Variants in CLEC1A observed in about 807,000 individuals in gnomAD.
The protein encoded by CLEC1A is C-type lectin domain family 1 member A, also known as C-type lectin-like receptor-1.
Under a neutral mutation model 28.7 loss-of-function variants are expected in CLEC1A, and 34 were observed. The ratio of observed to expected loss-of-function variants is 1.18; its 90% CI spans 0.90 to 1.57. The LOEUF (loss-of-function observed/expected upper bound fraction) is 1.57, where lower values mean the gene tolerates loss of function less well. CLEC1A is among the 40% of genes most tolerant of loss of function. The pLI is 0.00. For synonymous variants in CLEC1A, 116 were observed against 121.0 expected (o/e 0.96, Z 0.27); for missense variants, 385 against 339.5 (o/e 1.13, Z -1.05).
intron 1 of CLEC1A, among the ~76,000 whole-genome samples, chr12:10,092,960 A>T (rs1947726162): frequency 6.6e-6 from 1 of 151,796 alleles, no homozygotes; most frequent in Non-Finnish European, 1.5e-5. Context: ...CCTTCCAATC[A>T]TTCTATATAA....
At chr12:10,081,452 CTA>C (rs768829313) in intron 2 of CLEC1A, 39 bp from the exon 3 acceptor site, 3 of 1,500,348 alleles carry the variant, frequency 2.0e-6, no homozygotes, top group South Asian at 1.3e-5. Flanking sequence ...CAGCTTATTT[CTA>C]TGTTTTATTT....
At chr12:10,077,179 G>A (rs1866268599) in intron 3 of CLEC1A, among the ~76,000 whole-genome samples, 1 of 152,146 alleles carries the variant, frequency 6.6e-6, no homozygotes, top group African/African-American at 2.4e-5. Context: ...GTGATACTAT[G>A]TAACTAAAGA....
intron 5 of CLEC1A, among the ~76,000 whole-genome samples, chr12:10,072,724 C>A (rs575411237): frequency 6.6e-6 from 1 of 152,112 alleles, no homozygotes; most frequent in South Asian, 2.1e-4. Context: ...AGCAAGAGAA[C>A]TACCCTGATA....
intron 4 of CLEC1A, among the ~76,000 whole-genome samples, chr12:10,074,076 A>G (rs1406205774): frequency 6.6e-6 from 1 of 152,202 alleles, no homozygotes; most frequent in East Asian, 1.9e-4. Flanking sequence ...ATTGGTGGCG[A>G]CAGGGTCTCA....
intron 5 of CLEC1A, among the ~76,000 whole-genome samples, chr12:10,072,139 T>C (rs1320503890): frequency 6.6e-6 from 1 of 152,132 alleles, no homozygotes; most frequent in East Asian, 1.9e-4. Flanking sequence ...AGTTAGTTGA[T>C]GCAAGATCTG....
chr12:10,078,193 G>A (rs1265769730), intron 3 of CLEC1A, among the ~76,000 whole-genome samples: 1 of 152,012 alleles, frequency 6.6e-6, no homozygotes, highest in Non-Finnish European at 1.5e-5. Flanking sequence ...AAAAACTTAT[G>A]CCAGATCATG....
intron 1 of CLEC1A, among the ~76,000 whole-genome samples, chr12:10,089,453 C>T (rs1362083704): frequency 6.6e-6 from 1 of 152,036 alleles, no homozygotes; most frequent in Non-Finnish European, 1.5e-5. Context: ...TTTGTATCCA[C>T]CCCTCAAGTC....
chr12:10,079,053 A>T (rs1866311960), intron 3 of CLEC1A, among the ~76,000 whole-genome samples: 1 of 152,212 alleles, frequency 6.6e-6, no homozygotes, highest in South Asian at 2.1e-4. Flanking sequence ...TGTATAAATT[A>T]CCCAGGCTCA....
intron 1 of CLEC1A, 78 bp downstream of exon 1, chr12:10,098,730 T>A: frequency 2.4e-6 from 2 of 850,324 alleles, no homozygotes; most frequent in Admixed American, 2.7e-5. Context: ...GCTAAATATC[T>A]CCATTTCTAG....
At chr12:10,082,468 G>A (rs1224521526) in intron 2 of CLEC1A, among the ~76,000 whole-genome samples, 1 of 152,132 alleles carries the variant, frequency 6.6e-6, no homozygotes, top group Non-Finnish European at 1.5e-5. Flanking sequence ...ATAAAATCCT[G>A]AGAACCAACC....
intron 1 of CLEC1A, among the ~76,000 whole-genome samples, chr12:10,093,184 C>T (rs1040353694): frequency 6.6e-6 from 1 of 152,062 alleles, no homozygotes; most frequent in African/African-American, 2.4e-5. Flanking sequence ...GGATCACCCT[C>T]ACCCTAACAT....
intron 3 of CLEC1A, among the ~76,000 whole-genome samples, chr12:10,080,243 G>A (rs1191676476): frequency 1.3e-5 from 2 of 152,102 alleles, no homozygotes; most frequent in South Asian, 2.1e-4. Context: ...AACCTGGGAG[G>A]AGGAAGTTGC....
chr12:10,091,577 G>C (rs905247379), intron 1 of CLEC1A, among the ~76,000 whole-genome samples: 4 of 150,530 alleles, frequency 2.7e-5, no homozygotes, highest in Non-Finnish European at 3.0e-5. Flanking sequence ...TGAGCTATGT[G>C]ATTTAGTCTT....
intron 1 of CLEC1A, among the ~76,000 whole-genome samples, chr12:10,094,105 A>T (rs1947745814): frequency 6.6e-6 from 1 of 152,084 alleles, no homozygotes; most frequent in Non-Finnish European, 1.5e-5. Context: ...ATTTAATTAT[A>T]TTTTTCATCT....
chr12:10,090,832 T>A (rs971030127), intron 1 of CLEC1A, among the ~76,000 whole-genome samples: 1 of 144,958 alleles, frequency 6.9e-6, no homozygotes, highest in African/African-American at 2.6e-5. Flanking sequence ...TTAAAAAAAA[T>A]GGCAATTTTA....
Position 10,098,792 on chromosome 12 carries a change from C to A in CLEC1A, c.115+16G>T. 1 of 1,582,262 alleles carries A rather than the reference C, an allele frequency of 6.3e-7. No homozygotes were observed. The highest frequency in any genetic ancestry group is 1.1e-5 in the South Asian group (1 of 89,262). ...ACAAGGACTGTGGTCTATTTGGACTCCAGGAGACAGGGTACCTGTGCGCCG... is the reference window on the plus strand; with the variant it reads ...ACAAGGACTGTGGTCTATTTGGACTACAGGAGACAGGGTACCTGTGCGCCG... On this transcript the variant is annotated intron_variant, in intron 1 of 5. Transcript: ENST00000315330.
At position 10,069,736 on chromosome 12, in the gene CLEC1A, AAT is replaced by A. The variant is rs1238310801; in HGVS notation, c.*1595_*1596del. 58 of 152,216 alleles carry A rather than the reference AAT, an allele frequency of 3.8e-4. No homozygotes were observed. The highest frequency in any genetic ancestry group is 1.4e-3 in the African/African-American group (56 of 41,458). The allele number at this position is 152,216 out of a possible 1,614,324, so 9.4% of individuals were successfully genotyped here. A position where few individuals can be genotyped will look rare whatever the true frequency, so the allele number is the denominator to read the frequency against. ...AAATACAGTTTTCTTTGCATGACAC[AAT>A]ATATCAACAGAACTTGCTCGACCCT... On this transcript the variant is annotated 3_prime_UTR_variant, in exon 6 of 6. Coordinates refer to ENST00000315330, the MANE Select transcript of CLEC1A (RefSeq NM_016511.4).
Position 10,081,262 on chromosome 12 carries a change from A to C in CLEC1A, c.366T>G (p.Cys122Trp). ...GSLQHVAEKL[C>W]RELYNKAGAH... is the part of the protein sequence containing the mutation. ...CTCCAGCTTTGTTATACAGCTCACG[A>C]CAGAGTTTTTCAGCCACATGCTGCA... The change falls in exon 3 of 6, where the codon TGT becomes TGG. Residue 122 changes from cysteine (C) to tryptophan (W), a missense_variant. Coordinates refer to ENST00000315330, the MANE Select transcript of CLEC1A (RefSeq NM_016511.4). 6.2e-7 allele frequency: 1 copy of C among 1,609,176 alleles called. No homozygotes were observed. The highest frequency in any genetic ancestry group is 1.3e-5 in the African/African-American group (1 of 74,766).
intron 2 of CLEC1A, 116 bp downstream of exon 2, chr12:10,089,008 T>C (rs559532373): frequency 1.3e-6 from 1 of 776,096 alleles, no homozygotes; most frequent in African/African-American, 1.7e-5. Context: ...AAAGATACAC[T>C]GAATTTTCCA....
Sources: gnomAD v4.1 joint callset for allele counts (sites outside exome capture counted in the v4.1 genomes callset) on GRCh38, gnomAD v4.1.1 for gene constraint, MANE v1.5 for transcripts, NCBI Gene and HGNC (gene_info 2026-07-23, HGNC 2026-07-21) for gene names.